The following PTPRG variants were observed in gnomAD, a reference collection of about 807,000 sequenced individuals.
PTPRG encodes receptor-type tyrosine-protein phosphatase gamma.
PTPRG carries 102 observed loss-of-function variants against 165.3 expected under a neutral mutation model. That is an observed-to-expected ratio of 0.62 (90% CI 0.53 to 0.73). The LOEUF is 0.73. Among genes scored for constraint, PTPRG ranks in the 30% least tolerant of loss-of-function variants. The pLI is 0.00. For synonymous variants in PTPRG, 675 were observed against 669.5 expected (o/e 1.01, Z -0.13); for missense variants, 1,866 against 1,861.4 (o/e 1.00, Z -0.05).
intron 2 of PTPRG, among the ~76,000 whole-genome samples, chr3:61,819,694 C>A (rs1052872686): frequency 7.9e-5 from 12 of 152,206 alleles, no homozygotes; most frequent in East Asian, 3.9e-4. Context: ...TTAAATGGCA[C>A]CATGGGGATG....
intron 2 of PTPRG, among the ~76,000 whole-genome samples, chr3:61,896,593 T>A (rs1307458306): frequency 2.0e-5 from 3 of 152,220 alleles, no homozygotes; most frequent in African/African-American, 7.2e-5. Flanking sequence ...CTGGGTTGTG[T>A]GGTAGTTACG....
chr3:61,813,637 C>A (rs528178697), intron 2 of PTPRG, among the ~76,000 whole-genome samples: 1 of 137,476 alleles, frequency 7.3e-6, no homozygotes, highest in Non-Finnish European at 1.5e-5. Flanking sequence ...GTTCTAGATG[C>A]CTTTAATAGC....
At chr3:61,885,059 G>C (rs1370015260) in intron 2 of PTPRG, among the ~76,000 whole-genome samples, 2 of 152,152 alleles carry the variant, frequency 1.3e-5, no homozygotes, top group Non-Finnish European at 2.9e-5. Flanking sequence ...ATTGTCGGCT[G>C]TAGTAAAATG....
intron 2 of PTPRG, among the ~76,000 whole-genome samples, chr3:61,889,673 TA>T (rs1239356548): frequency 1.3e-5 from 2 of 152,250 alleles, no homozygotes; most frequent in African/African-American, 2.4e-5. Context: ...TACATTGTTT[TA>T]AAATGGAATC....
chr3:61,916,055 A>C (rs547804685), intron 2 of PTPRG, among the ~76,000 whole-genome samples: 9 of 152,342 alleles, frequency 5.9e-5, no homozygotes, highest in African/African-American at 2.2e-4. Context: ...AGTGCTATTA[A>C]ATTAGATATG....
chr3:62,003,542 T>A (rs1429091575), intron 4 of PTPRG, 45 bp downstream of exon 4: 2 of 1,605,594 alleles, frequency 1.2e-6, no homozygotes, highest in Non-Finnish European at 8.5e-7. Flanking sequence ...GCTTCGGTCT[T>A]TATGTTAATC....
intron 1 of PTPRG, among the ~76,000 whole-genome samples, chr3:61,651,055 T>C (rs1327181009): frequency 1.3e-5 from 2 of 152,172 alleles, no homozygotes; most frequent in African/African-American, 2.4e-5. Flanking sequence ...TGTATGTTTA[T>C]ATTTTTTTCC....
chr3:61,707,816 T>A (rs1239727150), intron 1 of PTPRG, among the ~76,000 whole-genome samples: 1 of 152,170 alleles, frequency 6.6e-6, no homozygotes, highest in African/African-American at 2.4e-5. Context: ...TGAGACAGGG[T>A]CTCCCTTTGT....
chr3:61,641,338 A>G (rs576014279), intron 1 of PTPRG, among the ~76,000 whole-genome samples: 4 of 152,308 alleles, frequency 2.6e-5, no homozygotes, highest in East Asian at 1.9e-4. Flanking sequence ...GGATGTTTCT[A>G]TTGGGGAACA....
chr3:61,960,521 A>T (rs1454794035), intron 2 of PTPRG, among the ~76,000 whole-genome samples: 1 of 152,154 alleles, frequency 6.6e-6, no homozygotes, highest in Non-Finnish European at 1.5e-5. Context: ...TCTACTCTGG[A>T]GACTGAGCCT....
intron 4 of PTPRG, among the ~76,000 whole-genome samples, chr3:62,008,618 C>A (rs1310697699): frequency 6.6e-6 from 1 of 152,188 alleles, no homozygotes; most frequent in East Asian, 1.9e-4. Context: ...GTTATTATAG[C>A]CCAGCGGTCC....
intron 2 of PTPRG, among the ~76,000 whole-genome samples, chr3:61,836,956 G>A (rs1380770273): frequency 6.6e-6 from 1 of 151,986 alleles, no homozygotes; most frequent in Non-Finnish European, 1.5e-5. Context: ...AGTCGCCCAG[G>A]CTGGAGTGCA....
In PTPRG at chr3:62,231,255, T is replaced by C. The variant is rs1416215566; in HGVS notation, c.2319T>C (p.Phe773=). Residue 773 remains phenylalanine (F), a synonymous_variant, in exon 14 of 30, where the codon TTT becomes TTC. Coordinates refer to ENST00000474889, the MANE Select transcript of PTPRG (RefSeq NM_002841.4). ...GTAACAAAATAAAGTCCAAGGGCTT[T>C]CCCAGACGTTTCCGTGAAGTGCCTT... ...RGCNKIKSKG[F]PRRFREVPSS... 39 of 1,593,020 alleles carry C rather than the reference T, an allele frequency of 2.4e-5. No homozygotes were observed. Among genetic ancestry groups the C allele is most frequent in the Non-Finnish European group, 3.2e-5 (38 of 1,169,352 alleles).
At chr3:61,749,011 C>G in intron 2 of PTPRG, 29 bp downstream of exon 2, 1 of 1,554,552 alleles carries the variant, frequency 6.4e-7, no homozygotes, top group Non-Finnish European at 8.9e-7. Context: ...ATGGAGATCA[C>G]ACAGGCCAGT....
Position 61,852,661 on chromosome 3 carries a change from T to C in PTPRG, c.190+103679T>C, listed in dbSNP as rs1044285949. Among the ~76,000 whole-genome samples, 12 of 152,186 alleles carry C rather than the reference T, an allele frequency of 7.9e-5. No individual in the cohort carries two copies. The East Asian group carries it at 1.2e-3, about 15-fold the overall frequency. ...TTTAGAGGCAGAATCAAGATAGAAT[T>C]GGAGACTCTGTATTTCTAGGTTACT... On this transcript the variant is annotated intron_variant, in intron 2 of 29. Transcript: ENST00000474889.
intron 2 of PTPRG, among the ~76,000 whole-genome samples, chr3:61,776,957 G>A (rs907771394): frequency 1.3e-5 from 2 of 152,046 alleles, no homozygotes; most frequent in East Asian, 1.9e-4. Flanking sequence ...TGACTGGTAT[G>A]TTTTCTTTGC....
At chr3:61,990,846 T>C (rs1266151448) in intron 3 of PTPRG, among the ~76,000 whole-genome samples, 1 of 151,906 alleles carries the variant, frequency 6.6e-6, no homozygotes, top group Non-Finnish European at 1.5e-5. Flanking sequence ...TGGGCTAAAA[T>C]GACTTAGCTC....
intron 17 of PTPRG, chr3:62,263,324 G>C (rs931217139): frequency 1.2e-5 from 2 of 167,724 alleles, no homozygotes; most frequent in African/African-American, 4.8e-5. Context: ...TAATTGGCTT[G>C]TACCTTAAAT....
intron 1 of PTPRG, among the ~76,000 whole-genome samples, chr3:61,678,042 G>A (rs1275559117): frequency 1.3e-5 from 2 of 152,194 alleles, no homozygotes; most frequent in Admixed American, 1.3e-4. Flanking sequence ...GAGTCCTGAT[G>A]TTGGGCAGAT....
Sources: gnomAD v4.1 joint callset for allele counts (sites outside exome capture counted in the v4.1 genomes callset) on GRCh38, gnomAD v4.1.1 for gene constraint, MANE v1.5 for transcripts, NCBI Gene and HGNC (gene_info 2026-07-23, HGNC 2026-07-21) for gene names.